Variants in ITGB1 observed in about 807,000 individuals in gnomAD.
ITGB1 encodes the protein integrin beta-1.
ITGB1 carries 24 observed loss-of-function variants against 86.5 expected under a neutral mutation model. That is an observed-to-expected ratio of 0.28 (90% CI 0.20 to 0.39). The LOEUF (loss-of-function observed/expected upper bound fraction) is 0.39. Among genes scored for constraint, ITGB1 ranks in the 10% least tolerant of loss-of-function variants. The pLI, the probability that ITGB1 is intolerant of heterozygous loss-of-function variation, is 1.00. For missense variants in ITGB1, 556 were observed against 946.9 expected (o/e 0.59, Z 5.42); for synonymous variants, 323 against 316.8 (o/e 1.02, Z -0.21).
chr10:32,944,577 TC>T, intron 1 of ITGB1: 1 of 510,322 alleles, frequency 2.0e-6, no homozygotes. Context: ...CAAAGGAAAC[TC>T]ATCCGAGATG....
chr10:32,914,531 C>A (rs2137180366), intron 11 of ITGB1, among the ~76,000 whole-genome samples: 1 of 152,176 alleles, frequency 6.6e-6, no homozygotes, highest in South Asian at 2.1e-4. Flanking sequence ...TCTGAAAAAA[C>A]AGACTTTAAA....
intron 11 of ITGB1, among the ~76,000 whole-genome samples, chr10:32,914,618 T>C (rs2094925726): frequency 6.6e-6 from 1 of 152,038 alleles, no homozygotes. Flanking sequence ...GAGCTGACTA[T>C]CCTAAATATA....
chr10:32,946,302 A>T (rs2095031162), intron 1 of ITGB1, among the ~76,000 whole-genome samples: 1 of 152,242 alleles, frequency 6.6e-6, no homozygotes, highest in African/African-American at 2.4e-5. Context: ...GCAATCAATC[A>T]TGATTCGTAA....
intron 11 of ITGB1, among the ~76,000 whole-genome samples, chr10:32,915,304 A>G (rs958836347): frequency 6.6e-6 from 1 of 152,232 alleles, no homozygotes; most frequent in Non-Finnish European, 1.5e-5. Context: ...AAGGCAAGAA[A>G]TAACTAAGAT....
At chr10:32,939,280 C>T (rs947178009) in intron 1 of ITGB1, among the ~76,000 whole-genome samples, 2 of 152,216 alleles carry the variant, frequency 1.3e-5, no homozygotes, top group South Asian at 2.1e-4. Flanking sequence ...CTAATTCTAA[C>T]GCTTGTCTCC....
chr10:32,902,026 C>T (rs1266567837), intron 15 of ITGB1, among the ~76,000 whole-genome samples: 1 of 152,180 alleles, frequency 6.6e-6, no homozygotes, highest in Non-Finnish European at 1.5e-5. Context: ...ATCCCTTTAT[C>T]GTGAACAGAA....
At chr10:32,933,179 G>GATC (rs1321691458) in intron 2 of ITGB1, among the ~76,000 whole-genome samples, 2 of 151,848 alleles carry the variant, frequency 1.3e-5, no homozygotes, top group African/African-American at 4.8e-5. Flanking sequence ...CGTGATTTTG[G>GATC]ATCACCTTGA....
chr10:32,928,998 G>C (rs1341848110), intron 4 of ITGB1, among the ~76,000 whole-genome samples: 3 of 152,176 alleles, frequency 2.0e-5, no homozygotes, highest in Non-Finnish European at 4.4e-5. Context: ...AGAAAAGTCT[G>C]TGTTGCTGCA....
chr10:32,935,555 T>C lies in ITGB1; in HGVS notation c.4A>G (p.Asn2Asp), dbSNP rs968971453. ...CCAATCCAGAAAATTGGTTGTAAAT[T>C]CATCTGAAATGTAAAATGTGCCTTA... M[N>D]LQPIFWIGLI... Residue 2 changes from asparagine (N) to aspartate (D), a missense_variant, in exon 2 of 16, where the codon AAT (asparagine) becomes GAT (aspartate). Asn to Asp is a conservative substitution (Grantham distance 23). This residue lies in a region of ITGB1 where 183 missense variants were observed against 263.9 expected (regional missense o/e 0.69). Transcript: ENST00000302278. The C allele has an allele frequency of 6.2e-7, 1 of 1,607,630 alleles. No individual in the cohort carries two copies. Among genetic ancestry groups the C allele is most frequent in the African/African-American group, 1.3e-5 (1 of 74,786 alleles).
intron 2 of ITGB1, among the ~76,000 whole-genome samples, chr10:32,934,836 C>T (rs2488331): frequency 0.54 from 81,572 of 151,962 alleles, 24,906 homozygotes; most frequent in Non-Finnish European, 0.68. Flanking sequence ...TTTGTTATTA[C>T]TGATTTTATG....
rs752811283 is a variant in ITGB1, at chr10:32,910,418, T to C, written c.1969A>G (p.Lys657Glu). 3 of 1,598,856 alleles carry C rather than the reference T, an allele frequency of 1.9e-6. No homozygotes were observed. The highest frequency in any genetic ancestry group is 2.2e-5 in the East Asian group (1 of 44,752). Residue 657 changes from lysine to glutamate, a missense_variant, in exon 14 of 16, where the codon AAG (lysine) becomes GAG (glutamate). This residue lies in a region of ITGB1 where 330 missense variants were observed against 531.5 expected (regional missense o/e 0.62). Coordinates refer to ENST00000302278, the MANE Select transcript of ITGB1 (RefSeq NM_002211.4). ...VQCRAFNKGE[K>E]KDTCTQECSY... ...CATTCCTGTGTGCATGTGTCTTTCT[T>C]TTCTCCTTTATTGAAGGCTCTGCAC...
intron 1 of ITGB1, among the ~76,000 whole-genome samples, chr10:32,949,659 T>A (rs1206647858): frequency 3.3e-5 from 5 of 152,132 alleles, no homozygotes; most frequent in Admixed American, 3.3e-4. Context: ...CCACAAATAA[T>A]CTCATTTTAG....
chr10:32,931,699 A>C (rs778918209), intron 3 of ITGB1, among the ~76,000 whole-genome samples: 9 of 152,114 alleles, frequency 5.9e-5, no homozygotes, highest in African/African-American at 1.2e-4. Context: ...CTGACACTTG[A>C]CCACTTAGGC....
At chr10:32,948,263 T>C (rs751821259) in intron 1 of ITGB1, among the ~76,000 whole-genome samples, 2 of 152,154 alleles carry the variant, frequency 1.3e-5, no homozygotes, top group Non-Finnish European at 2.9e-5. Flanking sequence ...TCCTGACAAA[T>C]GTGTTCATAA....
intron 1 of ITGB1, among the ~76,000 whole-genome samples, chr10:32,952,389 T>C (rs1351337599): frequency 1.3e-5 from 2 of 152,208 alleles, no homozygotes. Context: ...TTGTACTTTT[T>C]TGTAACATTT....
In ITGB1 at chr10:32,948,971, G is replaced by GAAAAAAAAAAAAA. The variant is rs71299726; in HGVS notation, c.-1+9161_-1+9173dup. On this transcript the variant is annotated intron_variant, in intron 1 of 15. Transcript: ENST00000302278. ...GGACTGCTGCTCACTGTGGATTACT[G>GAAAAAAAAAAAAA]AAAAAAAAAAAAAGACTGACTTCTC... 1.9e-3 allele frequency among the ~76,000 whole-genome samples: 231 copies of GAAAAAAAAAAAAA among 121,350 alleles called. 22 individuals carry two copies. The highest frequency in any genetic ancestry group is 2.9e-3 in the Non-Finnish European group (161 of 56,154). 79.6% of individuals were successfully genotyped at this position (121,350 alleles called of 152,430 possible). A position where few individuals can be genotyped will look rare whatever the true frequency, so the allele number is the denominator to read the frequency against.
At chr10:32,928,369 A>G (rs2094972224) in intron 4 of ITGB1, 105 bp from the exon 5 acceptor site, 1 of 589,540 alleles carries the variant, frequency 1.7e-6, no homozygotes, top group Admixed American at 2.7e-5. Flanking sequence ...AATAAAATAA[A>G]ACATGTTGTC....
chr10:32,918,369 G>A (rs964140225), intron 11 of ITGB1, among the ~76,000 whole-genome samples: 8 of 151,842 alleles, frequency 5.3e-5, no homozygotes, highest in Non-Finnish European at 4.4e-5. Context: ...TCATCTTGGA[G>A]GGAATAATAA....
At chr10:32,923,928 C>T (rs2094957369) in intron 6 of ITGB1, among the ~76,000 whole-genome samples, 188 bp from the exon 7 acceptor site, 1 of 152,184 alleles carries the variant, frequency 6.6e-6, no homozygotes, top group African/African-American at 2.4e-5. Context: ...TCTTCCATCC[C>T]ATGTACAACG....
Sources: gnomAD v4.1 joint callset for allele counts (sites outside exome capture counted in the v4.1 genomes callset) on GRCh38, gnomAD v4.1.1 for gene constraint, gnomAD v4.1.1 regional missense constraint, MANE v1.5 for transcripts, NCBI Gene and HGNC (gene_info 2026-07-23, HGNC 2026-07-21) for gene names.